Variants in ST6GALNAC3 observed in about 807,000 individuals in gnomAD.
ST6GALNAC3 encodes ST6 N-acetylgalactosaminide alpha-2,6-sialyltransferase 3.
Under a neutral mutation model 32.7 loss-of-function variants are expected in ST6GALNAC3, and 25 were observed. The observed-to-expected ratio is 0.76, with a 90% CI of 0.56 to 1.07. The LOEUF is 1.07. Among genes scored for constraint, ST6GALNAC3 ranks in the 50% least tolerant of loss-of-function variants. The probability of loss-of-function intolerance (pLI) is 0.00; values close to 1 mark genes in which losing one functional copy is unlikely to be tolerated. For missense variants in ST6GALNAC3, 355 were observed against 382.4 expected (o/e 0.93, Z 0.60); for synonymous variants, 129 against 133.1 (o/e 0.97, Z 0.21).
chr1:76,503,313 C>T (rs1661288856), intron 3 of ST6GALNAC3, among the ~76,000 whole-genome samples: 1 of 152,234 alleles, frequency 6.6e-6, no homozygotes, highest in Non-Finnish European at 1.5e-5. Flanking sequence ...TGCCCAACTC[C>T]CCTCCATTTG....
intron 1 of ST6GALNAC3, among the ~76,000 whole-genome samples, chr1:76,117,222 T>G (rs1482748042): frequency 6.6e-6 from 1 of 152,216 alleles, no homozygotes; most frequent in Non-Finnish European, 1.5e-5. Context: ...AAATGGGCCT[T>G]AAAGCTTCTT....
chr1:76,342,715 T>C (rs950395926), intron 2 of ST6GALNAC3, among the ~76,000 whole-genome samples: 13 of 152,142 alleles, frequency 8.5e-5, no homozygotes, highest in Admixed American at 8.5e-4. Flanking sequence ...GCTTTCCCTT[T>C]TCTCTGCAAC....
intron 1 of ST6GALNAC3, among the ~76,000 whole-genome samples, chr1:76,155,661 T>C (rs1192991020): frequency 2.0e-5 from 3 of 151,188 alleles, no homozygotes; most frequent in Admixed American, 2.0e-4. Context: ...ATATTTTTAG[T>C]AGAGACAGGG....
chr1:76,609,603 G>GA (rs1348018549), intron 3 of ST6GALNAC3, among the ~76,000 whole-genome samples: 2 of 152,010 alleles, frequency 1.3e-5, no homozygotes, highest in Admixed American at 1.3e-4. Flanking sequence ...GCTGGTCCAT[G>GA]AAAAAAATTG....
At position 76,465,708 on chromosome 1, in the gene ST6GALNAC3, AT is replaced by A. The variant is rs962519446; in HGVS notation, c.623+53301del. 2.2e-3 allele frequency among the ~76,000 whole-genome samples: 334 copies of A among 149,290 alleles called. 2 individuals are homozygous for A. The highest frequency in any genetic ancestry group is 6.8e-3 in the Middle Eastern group (2 of 292). Reference sequence around the variant, plus strand: ...AGGAAAGAATGGGATAGTATTTTTCATTTTTTTTTTAAATGTAATTGGTAGA... The same window carrying A: ...AGGAAAGAATGGGATAGTATTTTTCATTTTTTTTTAAATGTAATTGGTAGA... On this transcript the variant is annotated intron_variant, in intron 3 of 4. Transcript: ENST00000328299.
At chr1:76,541,166 CAGA>C (rs1207091367) in intron 3 of ST6GALNAC3, among the ~76,000 whole-genome samples, 4 of 152,096 alleles carry the variant, frequency 2.6e-5, no homozygotes, top group Non-Finnish European at 5.9e-5. Context: ...GCAGAGAAAG[CAGA>C]AGATGAGTCT....
chr1:76,343,123 G>A (rs1648198704), intron 2 of ST6GALNAC3, among the ~76,000 whole-genome samples: 1 of 151,856 alleles, frequency 6.6e-6, no homozygotes, highest in Admixed American at 6.6e-5. Flanking sequence ...TTTGCTTTGG[G>A]GATCTTCATC....
chr1:76,339,501 C>T (rs1028232040), intron 2 of ST6GALNAC3, among the ~76,000 whole-genome samples: 3 of 152,172 alleles, frequency 2.0e-5, no homozygotes, highest in Non-Finnish European at 4.4e-5. Context: ...TACTTGTGAT[C>T]TCCATAACTG....
At chr1:76,592,273 G>T (rs147408717) in intron 3 of ST6GALNAC3, among the ~76,000 whole-genome samples, 31 of 152,222 alleles carry the variant, frequency 2.0e-4, no homozygotes, top group African/African-American at 7.2e-4. Context: ...AGGGAAGGAA[G>T]ATGGAAAGAA....
In ST6GALNAC3 at chr1:76,080,234, A is replaced by G. The variant is rs562402433; in HGVS notation, c.18+5350A>G. ...TTTATTCAACTTGGTATTTCTAAGA[A>G]CTAGCTTGGCTCTCAGTAGGTGATC... On this transcript the variant is annotated intron_variant, in intron 1 of 4. Coordinates refer to ENST00000328299, the MANE Select transcript of ST6GALNAC3 (RefSeq NM_152996.4). Among the ~76,000 whole-genome samples the G allele has an allele frequency of 1.2e-4, 18 of 152,330 alleles. No individual in the cohort carries two copies. The South Asian group carries it at 3.5e-3, about 30-fold the overall frequency.
At chr1:76,393,078 ACG>A (rs1652689194) in intron 2 of ST6GALNAC3, among the ~76,000 whole-genome samples, 1 of 152,164 alleles carries the variant, frequency 6.6e-6, no homozygotes, top group East Asian at 1.9e-4. Context: ...ACTACAAATA[ACG>A]CTTTGTATTT....
At chr1:76,429,733 A>T (rs1053005963) in intron 3 of ST6GALNAC3, among the ~76,000 whole-genome samples, 10 of 152,028 alleles carry the variant, frequency 6.6e-5, no homozygotes, top group African/African-American at 2.2e-4. Flanking sequence ...TCAACTATGA[A>T]TGACTCTTGG....
At chr1:76,204,414 A>G (rs1654706541) in intron 1 of ST6GALNAC3, among the ~76,000 whole-genome samples, 1 of 152,208 alleles carries the variant, frequency 6.6e-6, no homozygotes, top group Non-Finnish European at 1.5e-5. Flanking sequence ...ATTCTAAAGT[A>G]GAAGAGTTGG....
chr1:76,198,370 T>C (rs1570403443), intron 1 of ST6GALNAC3, among the ~76,000 whole-genome samples: 1 of 152,192 alleles, frequency 6.6e-6, no homozygotes, highest in Admixed American at 6.5e-5. Flanking sequence ...TGGGCAATTA[T>C]AAGATTTTAT....
At chr1:76,560,361 A>G (rs1459074785) in intron 3 of ST6GALNAC3, among the ~76,000 whole-genome samples, 1 of 152,194 alleles carries the variant, frequency 6.6e-6, no homozygotes, top group Non-Finnish European at 1.5e-5. Flanking sequence ...AAAGCTCTGC[A>G]CAGCAAAAGA....
At chr1:76,392,221 G>T (rs1327371324) in intron 2 of ST6GALNAC3, among the ~76,000 whole-genome samples, 1 of 152,136 alleles carries the variant, frequency 6.6e-6, no homozygotes, top group African/African-American at 2.4e-5. Context: ...TTAGATCCAG[G>T]TGCTTAGACA....
At chr1:76,149,160 G>A (rs1364928936) in intron 1 of ST6GALNAC3, among the ~76,000 whole-genome samples, 1 of 152,140 alleles carries the variant, frequency 6.6e-6, no homozygotes, top group African/African-American at 2.4e-5. Context: ...TGGCTTATGG[G>A]GCTTAGGTTC....
chr1:76,471,132 C>T (rs1658998975), intron 3 of ST6GALNAC3, among the ~76,000 whole-genome samples: 1 of 152,214 alleles, frequency 6.6e-6, no homozygotes, highest in Non-Finnish European at 1.5e-5. Context: ...CTTCAATCTA[C>T]CTCTCAATCC....
intron 1 of ST6GALNAC3, among the ~76,000 whole-genome samples, chr1:76,182,022 A>G (rs1052836186): frequency 6.6e-6 from 1 of 152,160 alleles, no homozygotes; most frequent in Non-Finnish European, 1.5e-5. Flanking sequence ...GTGGCCAGCT[A>G]TCACCCTGTG....
Sources: gnomAD v4.1 joint callset for allele counts (sites outside exome capture counted in the v4.1 genomes callset) on GRCh38, gnomAD v4.1.1 for gene constraint, MANE v1.5 for transcripts, NCBI Gene and HGNC (gene_info 2026-07-23, HGNC 2026-07-21) for gene names.